Variants in LRP5 observed in about 807,000 individuals in gnomAD.
LRP5 encodes the protein low-density lipoprotein receptor-related protein 5.
Under a neutral mutation model 154.1 loss-of-function variants are expected in LRP5, and 62 were observed. The observed-to-expected ratio is 0.40, with a 90% CI of 0.33 to 0.50. The LOEUF (loss-of-function observed/expected upper bound fraction) is 0.50, where lower values mean the gene tolerates loss of function less well. Ranked by LOEUF, LRP5 falls within the 20% of genes least tolerant of loss-of-function variation. The pLI is 0.55. For missense variants in LRP5, 1,915 were observed against 2,336.7 expected, an observed-to-expected ratio of 0.82 and a Z score of 3.72; for synonymous variants, 966 against 1,011.5, an observed-to-expected ratio of 0.96 and a Z score of 0.85.
intron 9 of LRP5, among the ~76,000 whole-genome samples, chr11:68,408,262 T>C (rs1234283061): frequency 6.9e-6 from 1 of 145,686 alleles, no homozygotes; most frequent in Non-Finnish European, 1.5e-5. Flanking sequence ...TTTTTTTTTT[T>C]TTTTTGGGGA....
chr11:68,318,141 A>G (rs2098594512), intron 1 of LRP5, among the ~76,000 whole-genome samples: 1 of 148,004 alleles, frequency 6.8e-6, no homozygotes, highest in African/African-American at 2.5e-5. Flanking sequence ...TGCAAGCTCC[A>G]CCTCCCAGGG....
chr11:68,348,848 G>A (rs2098615931), intron 2 of LRP5, among the ~76,000 whole-genome samples: 1 of 151,932 alleles, frequency 6.6e-6, no homozygotes, highest in Non-Finnish European at 1.5e-5. Context: ...GGAGGCTGAG[G>A]TAGGAGGATC....
At chr11:68,314,438 G>A (rs947830966) in intron 1 of LRP5, among the ~76,000 whole-genome samples, 1 of 152,226 alleles carries the variant, frequency 6.6e-6, no homozygotes, top group African/African-American at 2.4e-5. Context: ...GCCTAAAATG[G>A]AAGGAAAGGG....
At chr11:68,421,713 T>TGTGTGTGTG (rs1565099040) in intron 13 of LRP5, among the ~76,000 whole-genome samples, 1 of 143,050 alleles carries the variant, frequency 7.0e-6, no homozygotes, top group African/African-American at 2.5e-5. Context: ...TGTGTGTGTG[T>TGTGTGTGTG]GTGTGTGTGT....
intron 8 of LRP5, among the ~76,000 whole-genome samples, chr11:68,404,892 C>A (rs2098654650): frequency 1.3e-5 from 2 of 151,430 alleles, no homozygotes; most frequent in African/African-American, 4.9e-5. Flanking sequence ...ATGGCGTGAA[C>A]CCGGGAAGCG....
At chr11:68,331,244 A>G (rs2098602573) in intron 1 of LRP5, among the ~76,000 whole-genome samples, 1 of 152,228 alleles carries the variant, frequency 6.6e-6, no homozygotes, top group South Asian at 2.1e-4. Flanking sequence ...GACGTCACCA[A>G]CACTGTTCTG....
rs187245182 is a variant in LRP5, at chr11:68,330,652, T to C, written c.92-17195T>C. Among the ~76,000 whole-genome samples, 766 of 152,392 alleles carry C rather than the reference T, an allele frequency of 5.0e-3. 4 individuals carry two copies. The highest frequency in any genetic ancestry group is 9.2e-3 in the Non-Finnish European group (623 of 68,038). On this transcript the variant is annotated intron_variant, in intron 1 of 22. Transcript: ENST00000294304. ...GTATCACAGAGACCTGTGGGTCCTT[T>C]ACATCTGATCATCCTGTCATTTGTA... is the stretch of plus-strand genomic sequence containing the variant.
At chr11:68,360,003 G>A (rs2098626413) in intron 3 of LRP5, among the ~76,000 whole-genome samples, 1 of 152,018 alleles carries the variant, frequency 6.6e-6, no homozygotes, top group Admixed American at 6.5e-5. Flanking sequence ...TGGCCAGGCT[G>A]GTCTTGAACT....
In LRP5 at chr11:68,377,098, C is replaced by T. The variant is rs568656836; in HGVS notation, c.1016-9218C>T. Reference sequence around the variant, plus strand: ...CAGCCTGGCCAACATGGTGAAATCCCATCCCCACTGCCTGCCTGGGGAGTG... The same window carrying T: ...CAGCCTGGCCAACATGGTGAAATCCTATCCCCACTGCCTGCCTGGGGAGTG... On this transcript the variant is annotated intron_variant, in intron 5 of 22. Transcript: ENST00000294304. 2.0e-5 allele frequency among the ~76,000 whole-genome samples: 3 copies of T among 152,292 alleles called. No homozygotes were observed. The South Asian group carries it at 6.2e-4, about 32-fold the overall frequency.
intron 1 of LRP5, among the ~76,000 whole-genome samples, chr11:68,340,419 C>G (rs2098608262): frequency 6.6e-6 from 1 of 152,200 alleles, no homozygotes; most frequent in East Asian, 1.9e-4. Context: ...TTGGAGCTGG[C>G]CCAGGGCTGG....
intron 1 of LRP5, among the ~76,000 whole-genome samples, chr11:68,339,356 T>A (rs140971747): frequency 6.6e-6 from 1 of 151,536 alleles, no homozygotes; most frequent in African/African-American, 2.4e-5. Flanking sequence ...TAATTTTTTC[T>A]TTTTTTTCCG....
In LRP5 at chr11:68,400,770, G is replaced by T. The variant is rs373961829; in HGVS notation, c.1585-2713G>T. On this transcript the variant is annotated intron_variant, in intron 7 of 22. Transcript: ENST00000294304. ...TAAAAAATAAAAATAATGACCTCTG[G>T]CCAGGTGTGGCAGCTCATACCCGTA... Among the ~76,000 whole-genome samples, 23 of 152,052 alleles carry T rather than the reference G, an allele frequency of 1.5e-4. 1 individual carries two copies. The highest frequency in any genetic ancestry group is 5.5e-4 in the African/African-American group (23 of 41,476).
chr11:68,354,124 G>A (rs2098621072), intron 2 of LRP5, among the ~76,000 whole-genome samples: 1 of 152,210 alleles, frequency 6.6e-6, no homozygotes, highest in Non-Finnish European at 1.5e-5. Context: ...TCTTTAAAAT[G>A]CAAAATGGCC....
intron 13 of LRP5, among the ~76,000 whole-genome samples, chr11:68,418,298 G>T (rs1456444508): frequency 6.6e-6 from 1 of 151,828 alleles, no homozygotes; most frequent in Non-Finnish European, 1.5e-5. Context: ...CCAGCTACTC[G>T]GGAGGCTGAG....
At chr11:68,397,109 A>G (rs1390705086) in intron 7 of LRP5, among the ~76,000 whole-genome samples, 1 of 151,812 alleles carries the variant, frequency 6.6e-6, no homozygotes, top group East Asian at 1.9e-4. Flanking sequence ...CTGCAGCCAC[A>G]CTCAGCTTCT....
intron 18 of LRP5, among the ~76,000 whole-genome samples, chr11:68,436,459 C>T (rs967439480): frequency 6.6e-6 from 1 of 152,156 alleles, no homozygotes; most frequent in Non-Finnish European, 1.5e-5. Flanking sequence ...CCCTCCCCTC[C>T]CCTCCCCTCA....
chr11:68,342,426 G>A (rs1353562400), intron 1 of LRP5, among the ~76,000 whole-genome samples: 1 of 152,164 alleles, frequency 6.6e-6, no homozygotes, highest in Non-Finnish European at 1.5e-5. Context: ...CCCTGGTAGG[G>A]AGGAGGGGGA....
the LRP5 span, among the ~76,000 whole-genome samples, chr11:68,300,928 T>A: frequency 2.7e-5 from 4 of 148,980 alleles, no homozygotes; most frequent in Admixed American, 1.3e-4. Context: ...TTAATTTATT[T>A]TTTTTTTATT....
intron 8 of LRP5, chr11:68,404,322 C>T (rs779782860): frequency 3.8e-5 from 20 of 530,914 alleles, no homozygotes; most frequent in Non-Finnish European, 7.3e-5. Flanking sequence ...TCCCACACTG[C>T]ACCTGCTTGT....
Sources: gnomAD v4.1 joint callset for allele counts (sites outside exome capture counted in the v4.1 genomes callset) on GRCh38, gnomAD v4.1.1 for gene constraint, MANE v1.5 for transcripts, NCBI Gene and HGNC (gene_info 2026-07-23, HGNC 2026-07-21) for gene names.